The following KCTD16 variants were observed in gnomAD, a reference collection of about 807,000 sequenced individuals.
KCTD16 encodes the protein BTB/POZ domain-containing protein KCTD16.
A neutral mutation model predicts 33.2 loss-of-function variants in KCTD16; 13 were observed. That is an observed-to-expected ratio of 0.39 (90% CI 0.25 to 0.62). The LOEUF (loss-of-function observed/expected upper bound fraction) is 0.62. Ranked by LOEUF, KCTD16 falls within the 20% of genes least tolerant of loss-of-function variation. The probability of loss-of-function intolerance (pLI) is 0.50; values close to 1 mark genes in which losing one functional copy is unlikely to be tolerated. For missense variants in KCTD16, 441 were observed against 525.1 expected (o/e 0.84, Z 1.57); for synonymous variants, 197 against 195.3 (o/e 1.01, Z -0.07).
At chr5:144,268,654 A>G (rs1755212294) in intron 3 of KCTD16, among the ~76,000 whole-genome samples, 1 of 152,162 alleles carries the variant, frequency 6.6e-6, no homozygotes, top group Non-Finnish European at 1.5e-5. Flanking sequence ...ATTAGATTCA[A>G]ATGTCCACTT....
At chr5:144,172,494 T>A (rs564001574) in intron 1 of KCTD16, among the ~76,000 whole-genome samples, 1 of 152,348 alleles carries the variant, frequency 6.6e-6, no homozygotes, top group Admixed American at 6.5e-5. Context: ...ATTTTGCCAC[T>A]GAACACTAGA....
intron 3 of KCTD16, among the ~76,000 whole-genome samples, chr5:144,252,595 T>A (rs896179010): frequency 9.2e-5 from 14 of 151,802 alleles, no homozygotes; most frequent in Non-Finnish European, 1.3e-4. Flanking sequence ...GCATCTGCAG[T>A]CTCACAGGTG....
chr5:144,224,696 AACT>A (rs1188918439), intron 3 of KCTD16, among the ~76,000 whole-genome samples: 2 of 152,206 alleles, frequency 1.3e-5, no homozygotes, highest in Non-Finnish European at 2.9e-5. Context: ...TTGCGGTCTT[AACT>A]TGCTACTGAA....
At chr5:144,183,409 A>G (rs1268795031) in intron 2 of KCTD16, among the ~76,000 whole-genome samples, 2 of 152,232 alleles carry the variant, frequency 1.3e-5, no homozygotes, top group African/African-American at 2.4e-5. Flanking sequence ...TTAATGATGC[A>G]TAAAGGATGA....
At chr5:144,280,063 C>G (rs891189024) in intron 3 of KCTD16, among the ~76,000 whole-genome samples, 1 of 152,056 alleles carries the variant, frequency 6.6e-6, no homozygotes, top group South Asian at 2.1e-4. Flanking sequence ...CTGGATTTGA[C>G]TTTTTAATAT....
chr5:144,399,401 T>C (rs1752651997), intron 3 of KCTD16, among the ~76,000 whole-genome samples: 1 of 152,124 alleles, frequency 6.6e-6, no homozygotes, highest in African/African-American at 2.4e-5. Flanking sequence ...TAGACAGTGA[T>C]TAGGCTTCTT....
chr5:144,232,844 A>G (rs1236150084), intron 3 of KCTD16, among the ~76,000 whole-genome samples: 1 of 152,204 alleles, frequency 6.6e-6, no homozygotes, highest in Non-Finnish European at 1.5e-5. Context: ...CAATTTTTAA[A>G]TTAAAGTCAT....
intron 3 of KCTD16, among the ~76,000 whole-genome samples, chr5:144,295,457 A>C (rs941009583): frequency 6.6e-6 from 1 of 152,200 alleles, no homozygotes; most frequent in South Asian, 2.1e-4. Flanking sequence ...TGAGATTCAG[A>C]CAAACTCCAG....
chr5:144,363,062 G>A (rs1021809080), intron 3 of KCTD16, among the ~76,000 whole-genome samples: 50 of 152,074 alleles, frequency 3.3e-4, no homozygotes, highest in African/African-American at 1.1e-3. Context: ...GAAGAAAATG[G>A]TTTTATATGC....
intron 3 of KCTD16, among the ~76,000 whole-genome samples, chr5:144,283,388 G>C (rs1163702680): frequency 6.6e-6 from 1 of 152,172 alleles, no homozygotes; most frequent in East Asian, 1.9e-4. Flanking sequence ...AGAAAGTATG[G>C]AGTGAATTTA....
chr5:144,439,819 T>G (rs1561608579), intron 3 of KCTD16, among the ~76,000 whole-genome samples: 1 of 152,130 alleles, frequency 6.6e-6, no homozygotes. Context: ...CTGTTTTTGT[T>G]TTTTTCCTGC....
chr5:144,350,018 A>G (rs1752906377), intron 3 of KCTD16, among the ~76,000 whole-genome samples: 1 of 152,196 alleles, frequency 6.6e-6, no homozygotes, highest in Non-Finnish European at 1.5e-5. Context: ...ACATTTTATT[A>G]GGAAGGTTAT....
intron 2 of KCTD16, among the ~76,000 whole-genome samples, chr5:144,193,622 C>A (rs1388281283): frequency 6.6e-6 from 1 of 151,944 alleles, no homozygotes; most frequent in Non-Finnish European, 1.5e-5. Flanking sequence ...ATCTGTGTGT[C>A]TGGCCTATAA....
chr5:144,255,582 C>A (rs1259986873), intron 3 of KCTD16, among the ~76,000 whole-genome samples: 2 of 152,140 alleles, frequency 1.3e-5, no homozygotes, highest in East Asian at 1.9e-4. Flanking sequence ...GAAGTGACAT[C>A]TTTTTATATA....
At position 144,336,657 on chromosome 5, in the gene KCTD16, T is replaced by C. The variant is rs1441152268; in HGVS notation, c.832+129111T>C. ...GTTGCCAGGTTTCAACAGTAGGCAC[T>C]TGGTAAGCCTGTTTCTAAGATTTCT... On this transcript the variant is annotated intron_variant, in intron 3 of 3. Coordinates refer to ENST00000512467, the MANE Select transcript of KCTD16 (RefSeq NM_020768.4). 3.9e-5 allele frequency among the ~76,000 whole-genome samples: 6 copies of C among 152,304 alleles called. No individual in the cohort carries two copies. The South Asian group carries it at 1.2e-3, about 32-fold the overall frequency.
chr5:144,356,107 T>G (rs1020585434), intron 3 of KCTD16, among the ~76,000 whole-genome samples: 12 of 152,320 alleles, frequency 7.9e-5, no homozygotes, highest in Middle Eastern at 3.4e-3. Flanking sequence ...GCCAGGGCCA[T>G]GTTTTGTTCT....
rs182464248 is a variant in KCTD16, at chr5:144,475,976, C to T, written c.*1862C>T. ...AAGTTTATCTTGGGAGTTGAGTTGT[C>T]AAGAGAATTATAATTTATGAATTTA... On this transcript the variant is annotated 3_prime_UTR_variant, in exon 4 of 4. Transcript: ENST00000512467. 10 of 152,240 alleles carry T rather than the reference C, an allele frequency of 6.6e-5. No homozygotes were observed. The highest frequency in any genetic ancestry group is 2.4e-4 in the African/African-American group (10 of 41,550). 9.4% of individuals were successfully genotyped at this position (152,240 alleles called of 1,614,324 possible). A position where few individuals can be genotyped will look rare whatever the true frequency, so the allele number is the denominator to read the frequency against.
rs1223331957 is a variant in KCTD16 at position 144,272,532 on chromosome 5, G to A, written c.832+64986G>A. 3.3e-5 allele frequency among the ~76,000 whole-genome samples: 5 copies of A among 152,128 alleles called. No homozygotes were observed. The East Asian group carries it at 9.6e-4, about 29-fold the overall frequency. ...AGCCAAAACAACCTTGAAAAAGAAT[G>A]AAGCTGGAAAAGTAATACTACATGA... is the stretch of plus-strand genomic sequence containing the variant. On this transcript the variant is annotated intron_variant, in intron 3 of 3. Transcript: ENST00000512467.
At chr5:144,209,809 T>C (rs1253119398) in intron 3 of KCTD16, among the ~76,000 whole-genome samples, 1 of 146,708 alleles carries the variant, frequency 6.8e-6, no homozygotes, top group Admixed American at 6.9e-5. Context: ...TATATATTTA[T>C]ATGTGTGTAT....
Sources: allele counts gnomAD v4.1 joint callset (sites outside exome capture counted in the v4.1 genomes callset), GRCh38; gene constraint gnomAD v4.1.1; transcripts MANE v1.5; gene names NCBI Gene and HGNC (gene_info 2026-07-23, HGNC 2026-07-21).